Variants in NR1D2 observed in about 807,000 individuals in gnomAD.
The protein encoded by NR1D2 is V-erbA-related protein 1-related.
NR1D2 carries 25 observed loss-of-function variants against 52.2 expected under a neutral mutation model. The ratio of observed to expected loss-of-function variants is 0.48; its 90% confidence interval spans 0.35 to 0.67. NR1D2 has a LOEUF of 0.67. NR1D2 is among the 30% of genes least tolerant of loss of function. The pLI is 0.01. For missense variants in NR1D2, 681 were observed against 707.2 expected (o/e 0.96, Z 0.42); for synonymous variants, 259 against 230.1 (o/e 1.13, Z -1.14).
chr3:23,947,450 C>T (rs1322427993), intron 1 of NR1D2, among the ~76,000 whole-genome samples: 1 of 152,174 alleles, frequency 6.6e-6, no homozygotes, highest in African/African-American at 2.4e-5. Context: ...ATCCTTGTTG[C>T]CGTTTGGGAT....
rs569637908 is a variant in NR1D2, at chr3:23,959,526, T to G, written c.373-145T>G. 1.9e-4 allele frequency: 132 copies of G among 690,914 alleles called. 1 individual carries two copies. The African/African-American group carries it at 2.1e-3, about 11-fold the overall frequency. 42.8% of individuals were successfully genotyped at this position (690,914 alleles called of 1,614,324 possible). A position where few individuals can be genotyped will look rare whatever the true frequency, so the allele number is the denominator to read the frequency against. ...TGTGTCAACATTGTATTTCCCTCTG[T>G]CCTAAGACATAGTGTTTCCCAGATA... On this transcript the variant is annotated intron_variant, in intron 3 of 7. Coordinates refer to ENST00000312521, the MANE Select transcript of NR1D2 (RefSeq NM_005126.5).
At chr3:23,947,464 G>T (rs1705772865) in intron 1 of NR1D2, among the ~76,000 whole-genome samples, 1 of 152,212 alleles carries the variant, frequency 6.6e-6, no homozygotes, top group Non-Finnish European at 1.5e-5. Flanking sequence ...TTGGGATGGA[G>T]CACCCAGAAG....
intron 2 of NR1D2, among the ~76,000 whole-genome samples, chr3:23,955,155 G>A (rs1454775102): frequency 2.6e-5 from 4 of 152,190 alleles, no homozygotes; most frequent in Non-Finnish European, 4.4e-5. Flanking sequence ...AAGGGGTTAC[G>A]TTAGTGAAAC....
chr3:23,965,238 T>C (rs944136027), intron 6 of NR1D2, 76 bp downstream of exon 6: 1 of 742,842 alleles, frequency 1.3e-6, no homozygotes, highest in East Asian at 3.8e-5. Flanking sequence ...TTTAATTCTT[T>C]TTTTTTTTTT....
chr3:23,973,971 C>CA (rs1378055285), intron 7 of NR1D2, among the ~76,000 whole-genome samples: 5 of 151,780 alleles, frequency 3.3e-5, no homozygotes, highest in African/African-American at 1.2e-4. Context: ...GGAAGGTCTT[C>CA]AGGAGCAGTA....
At chr3:23,947,234 A>G (rs915491826) in intron 1 of NR1D2, among the ~76,000 whole-genome samples, 2 of 152,232 alleles carry the variant, frequency 1.3e-5, no homozygotes, top group South Asian at 2.1e-4. Flanking sequence ...TAGTAACCTC[A>G]TAAGGGCTGG....
intron 7 of NR1D2, among the ~76,000 whole-genome samples, chr3:23,976,218 T>C (rs1413496964): frequency 6.6e-6 from 1 of 152,240 alleles, no homozygotes; most frequent in African/African-American, 2.4e-5. Context: ...TGAAAGTGAA[T>C]GTAGGGTTAC....
chr3:23,977,208 C>A lies in NR1D2; in HGVS notation c.1544-15C>A, dbSNP rs776589123. On this transcript the variant is annotated splice_polypyrimidine_tract_variant and intron_variant, in intron 7 of 7. Transcript: ENST00000312521. ...ATCCTGTTTTTCCTATTTCCCTATT[C>A]CTGATCTCTCTTAGATCGATCTGGA... 1 of 1,394,464 alleles carries A rather than the reference C, an allele frequency of 7.2e-7. No individual in the cohort carries two copies. Among genetic ancestry groups the A allele is most frequent in the Non-Finnish European group, 9.5e-7 (1 of 1,053,862 alleles). 86.4% of individuals were successfully genotyped at this position (1,394,464 alleles called of 1,614,324 possible).
chr3:23,945,687 A>G (rs1327171164), intron 1 of NR1D2, 93 bp downstream of exon 1: 6 of 181,506 alleles, frequency 3.3e-5, no homozygotes, highest in East Asian at 1.9e-4. Context: ...GGGTGTCCCC[A>G]TGGCCGGTGG....
At chr3:23,951,811 CAT>C (rs1430065596) in intron 1 of NR1D2, among the ~76,000 whole-genome samples, 15 of 152,170 alleles carry the variant, frequency 9.9e-5, no homozygotes, top group Non-Finnish European at 2.9e-5. Flanking sequence ...GCCTTGGAAA[CAT>C]GTATTCTGAA....
chr3:23,959,830 TAAAG>T lies in NR1D2; in HGVS notation c.517+17_517+20del, dbSNP rs758342691. 1 of 1,607,704 alleles carries T rather than the reference TAAAG, an allele frequency of 6.2e-7. No homozygotes were observed. Among genetic ancestry groups the T allele is most frequent in the South Asian group, 1.1e-5 (1 of 89,624 alleles). On this transcript the variant is annotated intron_variant, in intron 4 of 7. Transcript: ENST00000312521. The stretch of plus-strand genomic sequence containing the variant: ...GTCAAGAGATGGTATGTTCCCAGTT[TAAAG>T]AGTGTTCCTAAAGTGTATGGAGCTT...
chr3:23,950,831 C>T (rs926987093), intron 1 of NR1D2, among the ~76,000 whole-genome samples: 1 of 151,844 alleles, frequency 6.6e-6, no homozygotes. Context: ...GTCCATTGCC[C>T]CGTCAGTGCT....
chr3:23,950,338 T>C lies in NR1D2; in HGVS notation c.17-4199T>C, dbSNP rs377460728. 1.0e-3 allele frequency among the ~76,000 whole-genome samples: 159 copies of C among 152,362 alleles called. 1 individual carries two copies. Among genetic ancestry groups the C allele is most frequent in the South Asian group, 9.9e-3 (48 of 4,826 alleles). ...CTTTAAACTTTGGCCTGCCACTTAG[T>C]GGCTGACTTATCCTCTCTGAGCTCC... On this transcript the variant is annotated intron_variant, in intron 1 of 7. Coordinates refer to ENST00000312521, the MANE Select transcript of NR1D2 (RefSeq NM_005126.5).
Position 23,977,447 on chromosome 3 carries a change from A to T in NR1D2, c.*28A>T. 1.4e-6 allele frequency: 2 copies of T among 1,449,646 alleles called. No individual in the cohort carries two copies. Among genetic ancestry groups the T allele is most frequent in the Admixed American group, 4.3e-5 (2 of 46,846 alleles). 89.8% of individuals were successfully genotyped at this position (1,449,646 alleles called of 1,614,324 possible). ...CCTTTGTTTATTTAAACATGAACTG[A>T]TGGTAACTGTACATTTTGTGCTAAA... On this transcript the variant is annotated 3_prime_UTR_variant, in exon 8 of 8. Transcript: ENST00000312521.
intron 3 of NR1D2, among the ~76,000 whole-genome samples, 181 bp downstream of exon 3, chr3:23,956,306 A>G (rs986674442): frequency 7.9e-5 from 12 of 152,362 alleles, no homozygotes; most frequent in African/African-American, 2.9e-4. Context: ...TTCTTAATTC[A>G]GTGAAAGTAT....
At chr3:23,976,099 T>C (rs1265336026) in intron 7 of NR1D2, among the ~76,000 whole-genome samples, 1 of 152,236 alleles carries the variant, frequency 6.6e-6, no homozygotes, top group African/African-American at 2.4e-5. Flanking sequence ...CATCTATGGG[T>C]GATCTACATA....
intron 1 of NR1D2, among the ~76,000 whole-genome samples, chr3:23,950,987 C>G (rs1480687088): frequency 6.7e-6 from 1 of 149,482 alleles, no homozygotes; most frequent in Admixed American, 6.7e-5. Flanking sequence ...CTCACCGCAA[C>G]CTCCGCCTCC....
chr3:23,961,881 C>T, intron 4 of NR1D2, 96 bp from the exon 5 acceptor site: 1 of 1,141,396 alleles, frequency 8.8e-7, no homozygotes. Flanking sequence ...ATATGTATGA[C>T]TAGAGGCCAT....
At chr3:23,971,583 TTTAG>T (rs1481529836) in intron 7 of NR1D2, among the ~76,000 whole-genome samples, 2 of 152,172 alleles carry the variant, frequency 1.3e-5, no homozygotes, top group Non-Finnish European at 2.9e-5. Context: ...CCTCTTTTTA[TTTAG>T]TGAGTATAAC....
Sources: allele counts gnomAD v4.1 joint callset (sites outside exome capture counted in the v4.1 genomes callset), GRCh38; gene constraint gnomAD v4.1.1; transcripts MANE v1.5; gene names NCBI Gene and HGNC (gene_info 2026-07-23, HGNC 2026-07-21).